The following FAM169A variants were observed in gnomAD, a reference collection of about 807,000 sequenced individuals.
FAM169A encodes the protein soluble lamin-associated protein of 75 kDa.
FAM169A carries 24 observed loss-of-function variants against 75.7 expected under a neutral mutation model. That is an observed-to-expected ratio of 0.32 (90% CI 0.23 to 0.45). The LOEUF (loss-of-function observed/expected upper bound fraction) is 0.45, where lower values mean the gene tolerates loss of function less well. Ranked by LOEUF, FAM169A falls within the 20% of genes least tolerant of loss-of-function variation. FAM169A has a pLI of 1.00. For missense variants in FAM169A, 673 were observed against 784.0 expected (o/e 0.86, Z 1.69); for synonymous variants, 271 against 271.0 (o/e 1.00, Z 0.00).
chr5:74,840,311 TA>T (rs1352043500), intron 2 of FAM169A, 138 bp from the exon 3 acceptor site: 9 of 450,298 alleles, frequency 2.0e-5, no homozygotes, highest in Non-Finnish European at 3.6e-5. Context: ...TTCTAGTCTC[TA>T]AAAAAAGAGT....
intron 11 of FAM169A, among the ~76,000 whole-genome samples, chr5:74,793,279 C>T (rs1396510292): frequency 6.8e-6 from 1 of 146,662 alleles, no homozygotes; most frequent in Admixed American, 7.0e-5. Context: ...GAGCTGAGAT[C>T]GTGCCACTGC....
intron 8 of FAM169A, among the ~76,000 whole-genome samples, chr5:74,802,868 A>G (rs1746660813): frequency 6.6e-6 from 1 of 152,134 alleles, no homozygotes; most frequent in Non-Finnish European, 1.5e-5. Context: ...AAAGGTTAAA[A>G]TGTAGATAAA....
chr5:74,853,226 C>T (rs1349086804), intron 1 of FAM169A, among the ~76,000 whole-genome samples: 3 of 152,100 alleles, frequency 2.0e-5, no homozygotes, highest in Non-Finnish European at 2.9e-5. Context: ...AGGATAATAA[C>T]CTCAAAATGT....
chr5:74,799,299 G>A (rs1746441535), intron 10 of FAM169A: 1 of 1,581,300 alleles, frequency 6.3e-7, no homozygotes, highest in African/African-American at 1.3e-5. Flanking sequence ...CTACTTTTGT[G>A]AAGTGGTCCG....
At chr5:74,800,693 C>A (rs183511405) in intron 10 of FAM169A, among the ~76,000 whole-genome samples, 187 bp downstream of exon 10, 4 of 151,634 alleles carry the variant, frequency 2.6e-5, no homozygotes, top group African/African-American at 7.2e-5. Context: ...ACAATGTAAT[C>A]GCCTCTACCT....
intron 5 of FAM169A, among the ~76,000 whole-genome samples, chr5:74,821,174 A>G (rs1198052056): frequency 3.3e-5 from 5 of 152,204 alleles, no homozygotes; most frequent in Admixed American, 1.3e-4. Flanking sequence ...TCTAAGTTCT[A>G]AGAGGACAGA....
intron 10 of FAM169A, among the ~76,000 whole-genome samples, chr5:74,798,405 T>C (rs1202880686): frequency 2.6e-5 from 4 of 152,222 alleles, no homozygotes; most frequent in African/African-American, 7.2e-5. Flanking sequence ...AAGGGTACTA[T>C]ATCAAAATAT....
rs1745209621 is a variant in FAM169A, at chr5:74,778,044, C to T, written c.*3416G>A. On this transcript the variant is annotated 3_prime_UTR_variant, in exon 13 of 13. Transcript: ENST00000687041. ...TAATATAAATGGGTGATGTGTGGAT[C>T]ACAAGTTCTAGAAGGCGAATAAAAA... The T allele has an allele frequency of 6.6e-6, 1 of 151,896 alleles. No individual in the cohort carries two copies. Among genetic ancestry groups the T allele is most frequent in the East Asian group, 1.9e-4 (1 of 5,188 alleles). The allele number at this position is 151,896 out of a possible 1,614,324, so 9.4% of individuals were successfully genotyped here.
chr5:74,794,355 C>G (rs1303171746), intron 11 of FAM169A, among the ~76,000 whole-genome samples: 2 of 150,166 alleles, frequency 1.3e-5, no homozygotes, highest in East Asian at 4.0e-4. Flanking sequence ...GATTGTGCCA[C>G]TGCACTCCAG....
chr5:74,789,477 G>A (rs760918387), intron 11 of FAM169A, among the ~76,000 whole-genome samples: 32 of 152,234 alleles, frequency 2.1e-4, no homozygotes, highest in Admixed American at 6.5e-5. Flanking sequence ...TCATTTGGTT[G>A]TGTTACTCCA....
rs375109281 is a variant in FAM169A, at chr5:74,796,475, G to A, written c.1104-289C>T. The stretch of plus-strand genomic sequence containing the variant: ...GGCTGGAGTGCAATGGCGCGATCTC[G>A]GCTCACTGCAACCTCCACCTCCCAG... On this transcript the variant is annotated intron_variant, in intron 10 of 12. Transcript: ENST00000687041. 5.8e-3 allele frequency among the ~76,000 whole-genome samples: 881 copies of A among 151,134 alleles called. 9 individuals carry two copies. Among genetic ancestry groups the A allele is most frequent in the African/African-American group, 0.021 (845 of 41,138 alleles).
intron 1 of FAM169A, among the ~76,000 whole-genome samples, chr5:74,855,061 T>C (rs187362020): frequency 2.6e-4 from 40 of 152,356 alleles, no homozygotes; most frequent in African/African-American, 9.1e-4. Context: ...GTTATACTAA[T>C]TTACATTCCC....
chr5:74,828,023 G>A (rs1024359517), intron 5 of FAM169A, among the ~76,000 whole-genome samples: 6 of 152,022 alleles, frequency 3.9e-5, no homozygotes, highest in African/African-American at 1.4e-4. Flanking sequence ...CTACCAGAAT[G>A]AGACAAAGTT....
intron 1 of FAM169A, chr5:74,865,282 T>C (rs1750258064): frequency 6.6e-6 from 1 of 152,212 alleles, no homozygotes; most frequent in Non-Finnish European, 1.5e-5. Context: ...TGGAAATTTT[T>C]TAGAAATATG....
chr5:74,782,992 G>C lies in FAM169A; in HGVS notation c.1403C>G (p.Thr468Arg), dbSNP rs775631632. 6 of 1,613,886 alleles carry C rather than the reference G, an allele frequency of 3.7e-6. No individual in the cohort carries two copies. Among genetic ancestry groups the C allele is most frequent in the Non-Finnish European group, 5.1e-6 (6 of 1,179,962 alleles). ...TTCTACCACCAGTGGAACAAGATTT[G>C]TAGAGTCTTCACTGGAATTAAAAGG... is the stretch of plus-strand genomic sequence containing the variant. Reference protein sequence around the residue: ...LQPFNSSEDSTNLVPLVVESS... With the variant: ...LQPFNSSEDSRNLVPLVVESS... Residue 468 changes from threonine to arginine, a missense_variant, in exon 12 of 13, where the codon ACA becomes AGA. This residue lies in a region of FAM169A where 510 missense variants were observed against 550.9 expected (regional missense o/e 0.93). Coordinates refer to ENST00000687041, the MANE Select transcript of FAM169A (RefSeq NM_001376049.1).
chr5:74,783,501 A>G (rs1325339235), intron 11 of FAM169A, among the ~76,000 whole-genome samples: 1 of 152,184 alleles, frequency 6.6e-6, no homozygotes, highest in Non-Finnish European at 1.5e-5. Context: ...AAGGCACCAG[A>G]CAGAGTATAG....
At chr5:74,812,649 C>A (rs928622495) in intron 6 of FAM169A, among the ~76,000 whole-genome samples, 1 of 151,966 alleles carries the variant, frequency 6.6e-6, no homozygotes, top group African/African-American at 2.4e-5. Flanking sequence ...CAAATAACCC[C>A]CCCCCAAAAT....
At chr5:74,812,652 C>T (rs927918469) in intron 6 of FAM169A, among the ~76,000 whole-genome samples, 2 of 152,130 alleles carry the variant, frequency 1.3e-5, no homozygotes, top group East Asian at 3.9e-4. Flanking sequence ...ATAACCCCCC[C>T]CCAAAATGGT....
intron 11 of FAM169A, among the ~76,000 whole-genome samples, chr5:74,789,259 C>T (rs1326435930): frequency 6.6e-6 from 1 of 152,216 alleles, no homozygotes; most frequent in African/African-American, 2.4e-5. Flanking sequence ...ATTGATGAGA[C>T]ATTTGCATGC....
Sources: allele counts gnomAD v4.1 joint callset (sites outside exome capture counted in the v4.1 genomes callset), GRCh38; gene constraint gnomAD v4.1.1; regional missense constraint gnomAD v4.1.1; transcripts MANE v1.5; gene names NCBI Gene and HGNC (gene_info 2026-07-23, HGNC 2026-07-21).